Variants in SGTB observed in about 807,000 individuals in gnomAD.
The protein encoded by SGTB is small glutamine rich tetratricopeptide repeat co-chaperone beta.
SGTB carries 19 observed loss-of-function variants against 43.9 expected under a neutral mutation model. The ratio of observed to expected loss-of-function variants is 0.43; its 90% confidence interval spans 0.30 to 0.63. The LOEUF is 0.63. Ranked by LOEUF, SGTB falls within the 30% of genes least tolerant of loss-of-function variation. The probability of loss-of-function intolerance (pLI) is 0.12; values close to 1 mark genes in which losing one functional copy is unlikely to be tolerated. For synonymous variants in SGTB, 116 were observed against 117.3 expected (o/e 0.99, Z 0.07); for missense variants, 304 against 358.9 (o/e 0.85, Z 1.24).
In SGTB at chr5:65,714,028, C is replaced by T. The variant is rs566852773; in HGVS notation, c.101-964G>A. Among the ~76,000 whole-genome samples the T allele has an allele frequency of 2.8e-3, 421 of 152,016 alleles. 3 individuals carry two copies. The highest frequency in any genetic ancestry group is 9.1e-3 in the African/African-American group (376 of 41,444). On this transcript the variant is annotated intron_variant, in intron 2 of 10. Coordinates refer to ENST00000381007, the MANE Select transcript of SGTB (RefSeq NM_019072.3). ...AAGATCTCACTACTGCACTCCAGTA[C>T]GGGTTGAGACCCCATCTCGAAAAAA...
chr5:65,710,873 G>A lies in SGTB; in HGVS notation c.204+2088C>T, dbSNP rs1411560881. On this transcript the variant is annotated intron_variant, in intron 3 of 10. Transcript: ENST00000381007. ...GGGCCGGGTGTGGTGGCGGGTGCCT[G>A]TAATCCCAGCTATTCGGGAGGCTGA... 5.9e-5 allele frequency among the ~76,000 whole-genome samples: 9 copies of A among 151,970 alleles called. No homozygotes were observed. The East Asian group carries it at 1.7e-3, about 29-fold the overall frequency.
intron 2 of SGTB, among the ~76,000 whole-genome samples, chr5:65,714,001 C>T (rs539907890): frequency 3.9e-5 from 6 of 152,084 alleles, no homozygotes; most frequent in African/African-American, 1.2e-4. Flanking sequence ...TTGCAGTGAG[C>T]CAAGATCTCA....
At chr5:65,676,209 C>G (rs73099323) in intron 8 of SGTB, among the ~76,000 whole-genome samples, 1 of 152,040 alleles carries the variant, frequency 6.6e-6, no homozygotes, top group East Asian at 1.9e-4. Context: ...ACAAAACAGA[C>G]TCTAAACCAA....
chr5:65,696,356 GAAGTACAAAAGAAAT>G (rs1032204865), intron 5 of SGTB, among the ~76,000 whole-genome samples: 2 of 152,182 alleles, frequency 1.3e-5, no homozygotes, highest in Non-Finnish European at 2.9e-5. Flanking sequence ...ACTCAGCACT[GAAGTACAAAAGAAAT>G]AAGAACATTG....
chr5:65,683,755 G>A (rs1054378332), intron 6 of SGTB, among the ~76,000 whole-genome samples: 3 of 151,960 alleles, frequency 2.0e-5, no homozygotes, highest in African/African-American at 7.3e-5. Context: ...GACCATCCTG[G>A]CTAACGCAGT....
At chr5:65,693,335 AAGGG>A (rs1367097393) in intron 5 of SGTB, among the ~76,000 whole-genome samples, 6 of 145,024 alleles carry the variant, frequency 4.1e-5, no homozygotes, top group Non-Finnish European at 7.5e-5. Context: ...GAAAGAGGAG[AAGGG>A]AGGGAAGGAA....
At chr5:65,709,268 A>T (rs927954893) in intron 3 of SGTB, among the ~76,000 whole-genome samples, 2 of 152,172 alleles carry the variant, frequency 1.3e-5, no homozygotes, top group Non-Finnish European at 2.9e-5. Context: ...ATCTACAAAA[A>T]ATCATTTATA....
chr5:65,700,060 A>G (rs1164670859), intron 5 of SGTB, among the ~76,000 whole-genome samples: 1 of 152,226 alleles, frequency 6.6e-6, no homozygotes, highest in African/African-American at 2.4e-5. Context: ...AGAGGGATGT[A>G]ATATACCAAA....
Position 65,668,260 on chromosome 5 carries a change from CT to C in SGTB, c.*1985del, listed in dbSNP as rs1757081276. 1 of 151,712 alleles carries C rather than the reference CT, an allele frequency of 6.6e-6. No homozygotes were observed. The highest frequency in any genetic ancestry group is 2.4e-5 in the African/African-American group (1 of 41,242). The allele number at this position is 151,712 out of a possible 1,614,324, so 9.4% of individuals were successfully genotyped here. On this transcript the variant is annotated 3_prime_UTR_variant, in exon 11 of 11. Transcript: ENST00000381007. The stretch of plus-strand genomic sequence containing the variant: ...GAGCCACAGCGCCCGGCCAATTAGT[CT>C]TTTGATAAGGGTTCTATAAGGCCTA...
chr5:65,672,404 G>C lies in SGTB; in HGVS notation c.682-123C>G, dbSNP rs528200282. On this transcript the variant is annotated intron_variant, in intron 8 of 10. Coordinates refer to ENST00000381007, the MANE Select transcript of SGTB (RefSeq NM_019072.3). ...TGCACTAACATTTTGTAGAGTTTCA[G>C]TGTGCTATGCAAAGTAAAGGGGAAT... 4 of 1,205,038 alleles carry C rather than the reference G, an allele frequency of 3.3e-6. No individual in the cohort carries two copies. In the East Asian group the frequency reaches 9.4e-5, roughly 28 times the overall value. The allele number at this position is 1,205,038 out of a possible 1,614,324, so 74.6% of individuals were successfully genotyped here. A position where few individuals can be genotyped will look rare whatever the true frequency, so the allele number is the denominator to read the frequency against.
chr5:65,714,621 C>A (rs970451181), intron 2 of SGTB, among the ~76,000 whole-genome samples: 17 of 152,240 alleles, frequency 1.1e-4, no homozygotes, highest in Non-Finnish European at 1.5e-4. Context: ...TCAAGACCAG[C>A]CTGGCCAACA....
At chr5:65,719,198 G>A (rs182691015) in intron 2 of SGTB, among the ~76,000 whole-genome samples, 442 of 152,202 alleles carry the variant, frequency 2.9e-3, no homozygotes, top group Middle Eastern at 0.017. Context: ...ATATTCACAG[G>A]GAAATGCTTG....
chr5:65,690,253 A>G (rs1447811094), intron 5 of SGTB, among the ~76,000 whole-genome samples: 3 of 152,120 alleles, frequency 2.0e-5, no homozygotes, highest in Non-Finnish European at 4.4e-5. Flanking sequence ...ACCTTGGGCA[A>G]CACAGTGTGA....
chr5:65,678,462 C>T (rs1668581183), intron 8 of SGTB, among the ~76,000 whole-genome samples: 1 of 152,168 alleles, frequency 6.6e-6, no homozygotes, highest in Non-Finnish European at 1.5e-5. Flanking sequence ...CATTAAACTA[C>T]CATTGACATT....
intron 5 of SGTB, among the ~76,000 whole-genome samples, chr5:65,702,687 T>A (rs1368801853): frequency 6.6e-6 from 1 of 152,162 alleles, no homozygotes; most frequent in African/African-American, 2.4e-5. Flanking sequence ...CTTCCAAAGG[T>A]TCCACCTCCA....
intron 5 of SGTB, among the ~76,000 whole-genome samples, chr5:65,699,010 A>T (rs560428514): frequency 6.6e-6 from 1 of 152,320 alleles, no homozygotes; most frequent in East Asian, 1.9e-4. Flanking sequence ...TTACCATTCG[A>T]TCCAGGAATC....
intron 2 of SGTB, 32 bp from the exon 3 acceptor site, chr5:65,713,096 T>C (rs774623152): frequency 6.6e-6 from 10 of 1,509,820 alleles, no homozygotes; most frequent in Admixed American, 2.0e-5. Context: ...AAAAAACAAT[T>C]AGCAATTTTA....
intron 4 of SGTB, among the ~76,000 whole-genome samples, chr5:65,707,875 G>C (rs994162630): frequency 6.6e-6 from 1 of 151,658 alleles, no homozygotes; most frequent in Non-Finnish European, 1.5e-5. Context: ...GTCACTCACT[G>C]CTAAAGATAA....
At chr5:65,671,859 A>G (rs979911706) in intron 10 of SGTB, 56 bp downstream of exon 10, 21 of 1,509,582 alleles carry the variant, frequency 1.4e-5, no homozygotes, top group Non-Finnish European at 1.9e-5. Flanking sequence ...CACCATAGAG[A>G]TAGGCTGTAA....
Sources: allele counts gnomAD v4.1 joint callset (sites outside exome capture counted in the v4.1 genomes callset), GRCh38; gene constraint gnomAD v4.1.1; transcripts MANE v1.5; gene names NCBI Gene and HGNC (gene_info 2026-07-23, HGNC 2026-07-21).